Variants in MYH8 observed in about 807,000 individuals in gnomAD.
The protein encoded by MYH8 is myosin heavy chain 8, also known as myosin-8.
MYH8 carries 168 observed loss-of-function variants against 233.2 expected under a neutral mutation model. That is an observed-to-expected ratio of 0.72 (90% CI 0.64 to 0.82). MYH8 has a LOEUF of 0.82. MYH8 is among the 40% of genes least tolerant of loss of function. MYH8 has a pLI of 0.00. For synonymous variants in MYH8, 785 were observed against 850.6 expected (o/e 0.92, Z 1.34); for missense variants, 1,995 against 2,327.8 (o/e 0.86, Z 2.94).
chr17:10,402,944 T>G (rs2072156930), intron 22 of MYH8, among the ~76,000 whole-genome samples: 1 of 152,202 alleles, frequency 6.6e-6, no homozygotes, highest in Non-Finnish European at 1.5e-5. Context: ...GAGGTTCTCA[T>G]GCCCAGGACA....
chr17:10,409,434 G>C lies in MYH8; in HGVS notation c.1742C>G (p.Ser581Cys), dbSNP rs2072225144. The change falls in exon 16 of 40, where the codon TCT becomes TGT. Residue 581 changes from serine (S) to cysteine (C), a missense_variant. Around this residue, in one of 3 missense-constraint regions of MYH8, gnomAD observed 1,498 missense variants for 1,680.9 expected, o/e 0.89. Transcript: ENST00000403437. Reference protein sequence around the residue: ...VVKGKAEAHFSLIHYAGTVDY... With the variant: ...VVKGKAEAHFCLIHYAGTVDY... ...CACAGTGCCAGCATAGTGAATCAGA[G>C]AGAAGTGGGCCTCAGCCTTGCCTTT... is the stretch of plus-strand genomic sequence containing the variant. 5 of 1,614,106 alleles carry C rather than the reference G, an allele frequency of 3.1e-6. No individual in the cohort carries two copies. Among genetic ancestry groups the C allele is most frequent in the African/African-American group, 1.3e-5 (1 of 74,940 alleles).
intron 24 of MYH8, 28 bp from the exon 25 acceptor site, chr17:10,401,219 T>A (rs750957215): frequency 2.5e-6 from 4 of 1,613,290 alleles, no homozygotes; most frequent in Non-Finnish European, 3.4e-6. Flanking sequence ...ATGGTAAAAA[T>A]TGAAAGTATA....
intron 17 of MYH8, 66 bp from the exon 18 acceptor site, chr17:10,407,045 T>A: frequency 8.0e-7 from 1 of 1,246,158 alleles, no homozygotes; most frequent in Non-Finnish European, 1.2e-6. Context: ...TGTAATTATA[T>A]GGAATGAACC....
rs773912355 is a variant in MYH8, at chr17:10,412,650, A to G, written c.1226T>C (p.Val409Ala). The G allele has an allele frequency of 1.9e-6, 3 of 1,614,206 alleles. No homozygotes were observed. The highest frequency in any genetic ancestry group is 1.7e-5 in the Admixed American group (1 of 60,026). ...GCCTTTGGTGACATACTCATTGCCA[A>G]CCTTGACCCTAGGGTAGCAGAGGGC... is the stretch of plus-strand genomic sequence containing the variant. ...LKALCYPRVK[V>A]GNEYVTKGQT... The change falls in exon 13 of 40, where the codon GTT becomes GCT. Residue 409 changes from valine to alanine, a missense_variant. Physicochemically the swap from Val to Ala is moderately conservative, Grantham distance 64. Coordinates refer to ENST00000403437, the MANE Select transcript of MYH8 (RefSeq NM_002472.3).
chr17:10,391,320 T>G (rs1290730718), intron 39 of MYH8, among the ~76,000 whole-genome samples: 1 of 152,248 alleles, frequency 6.6e-6, no homozygotes, highest in Non-Finnish European at 1.5e-5. Context: ...GTATATCATT[T>G]GTAGCTATCA....
chr17:10,414,093 A>G (rs1287845009), intron 11 of MYH8, 53 bp from the exon 12 acceptor site: 1 of 1,612,594 alleles, frequency 6.2e-7, no homozygotes, highest in Non-Finnish European at 8.5e-7. Flanking sequence ...CTAACTTATA[A>G]GAGAATTTAT....
At chr17:10,394,571 G>A (rs2072063025) in intron 34 of MYH8, 119 bp from the exon 35 acceptor site, 2 of 1,210,852 alleles carry the variant, frequency 1.7e-6, no homozygotes, top group Non-Finnish European at 2.4e-6. Context: ...CCTGTCATTT[G>A]AATGCATCTG....
At chr17:10,414,878 A>G (rs2072275480) in intron 9 of MYH8, among the ~76,000 whole-genome samples, 1 of 152,208 alleles carries the variant, frequency 6.6e-6, no homozygotes, top group Non-Finnish European at 1.5e-5. Flanking sequence ...CTGGAAAAAA[A>G]TCATAGTTGC....
chr17:10,400,423 G>A lies in MYH8; in HGVS notation c.3702C>T (p.Leu1234=), dbSNP rs1224161768. 6.2e-7 allele frequency: 1 copy of A among 1,613,746 alleles called. No homozygotes were observed. The highest frequency in any genetic ancestry group is 1.3e-5 in the African/African-American group (1 of 74,884). The change falls in exon 27 of 40, where the codon CTC becomes CTT. Residue 1234 remains leucine (L), a synonymous_variant. Transcript: ENST00000403437. The surrounding 1 kb of genome is among the most constrained non-coding windows in gnomAD (Gnocchi z 4.0). ...KSELKMETDD[L]SSNAEAISKA... ...TGGAAATGGCCTCTGCGTTACTGCT[G>A]AGGTCATCAGTCTCCATCTTCAGCT... is the stretch of plus-strand genomic sequence containing the variant.
Position 10,404,540 on chromosome 17 carries a change from G to A in MYH8, c.2478C>T (p.Asn826=), listed in dbSNP as rs770622195. ...CIQYNVRAFM[N]VKHWPWMKLF... ...GTTTCATCCAGGGCCAGTGCTTGACGTTCATGAAGGCACGGACATTATACT... is the reference window on the plus strand; with the variant it reads ...GTTTCATCCAGGGCCAGTGCTTGACATTCATGAAGGCACGGACATTATACT... The change falls in exon 22 of 40, where the codon AAC becomes AAT. Residue 826 remains asparagine, a synonymous_variant. Transcript: ENST00000403437. 24 of 1,613,930 alleles carry A rather than the reference G, an allele frequency of 1.5e-5. No individual in the cohort carries two copies. The highest frequency in any genetic ancestry group is 1.7e-4 in the Middle Eastern group (1 of 6,060).
chr17:10,404,179 T>A (rs2072166713), intron 22 of MYH8, 151 bp downstream of exon 22: 1 of 934,760 alleles, frequency 1.1e-6, no homozygotes, highest in African/African-American at 1.7e-5. Flanking sequence ...TTGTGCCTTT[T>A]CTTCCCCATA....
In MYH8 at chr17:10,413,991, T is replaced by C. The variant is rs771234906; in HGVS notation, c.1058A>G (p.Tyr353Cys). 24 of 1,614,048 alleles carry C rather than the reference T, an allele frequency of 1.5e-5. No individual in the cohort carries two copies. Among genetic ancestry groups the C allele is most frequent in the Non-Finnish European group, 1.8e-5 (21 of 1,180,034 alleles). Reference sequence around the variant, plus strand: ...ATGCATCACAGCCCCTGTGAGTTTATAGATGGACACTTTCTCTTCAGGAGT... The same window carrying C: ...ATGCATCACAGCCCCTGTGAGTTTACAGATGGACACTTTCTCTTCAGGAGT... ...GFTPEEKVSI[Y>C]KLTGAVMHYG... The change falls in exon 12 of 40, where the codon TAT (tyrosine) becomes TGT (cysteine). Residue 353 changes from tyrosine to cysteine, a missense_variant. Physicochemically the swap from Tyr to Cys is radical, Grantham distance 194 (BLOSUM62 -2). Transcript: ENST00000403437.
At position 10,420,109 on chromosome 17, in the gene MYH8, A is replaced by T; in HGVS notation, c.119T>A (p.Val40Asp). 1 of 1,614,222 alleles carries T rather than the reference A, an allele frequency of 6.2e-7. No homozygotes were observed. The highest frequency in any genetic ancestry group is 8.5e-7 in the Non-Finnish European group (1 of 1,180,042). ...QNKPFDAKTSVFVAEPKESYV... is the reference protein window; with the variant it reads ...QNKPFDAKTSDFVAEPKESYV... ...GGATTCCTTGGGCTCCGCCACAAAGACAGATGTTTTAGCATCAAACGGCTT... is the reference window on the plus strand; with the variant it reads ...GGATTCCTTGGGCTCCGCCACAAAGTCAGATGTTTTAGCATCAAACGGCTT... Residue 40 changes from valine to aspartate, a missense_variant, in exon 3 of 40, where the codon GTC becomes GAC. Around this residue, in one of 3 missense-constraint regions of MYH8, gnomAD observed 479 missense variants for 600.9 expected, o/e 0.80. Coordinates refer to ENST00000403437, the MANE Select transcript of MYH8 (RefSeq NM_002472.3).
In MYH8 at chr17:10,415,006, C is replaced by T; in HGVS notation, c.805+110G>A. 2.0e-6 allele frequency: 2 copies of T among 988,740 alleles called. No individual in the cohort carries two copies. Among genetic ancestry groups the T allele is most frequent in the South Asian group, 2.6e-5 (2 of 77,660 alleles). The allele number at this position is 988,740 out of a possible 1,614,324, so 61.2% of individuals were successfully genotyped here. The stretch of plus-strand genomic sequence containing the variant: ...AGCATTAGCTTACAGGCAGTACTGG[C>T]AGCAGACTACCCTTTTAACAGGCTT... On this transcript the variant is annotated intron_variant, in intron 9 of 39. Coordinates refer to ENST00000403437, the MANE Select transcript of MYH8 (RefSeq NM_002472.3). The surrounding 1 kb of genome is among the most constrained non-coding windows in gnomAD (Gnocchi z 4.1).
At position 10,409,109 on chromosome 17, in the gene MYH8, A is replaced by T. The variant is rs747082628; in HGVS notation, c.1953T>A (p.Ser651=). 1 of 1,614,106 alleles carries T rather than the reference A, an allele frequency of 6.2e-7. No homozygotes were observed. Among genetic ancestry groups the T allele is most frequent in the Admixed American group, 1.7e-5 (1 of 60,024 alleles). The change falls in exon 17 of 40, where the codon TCT becomes TCA. Residue 651 remains serine (S), a synonymous_variant. Transcript: ENST00000403437. Reference sequence around the variant, plus strand: ...ATTTGTACTTTACCCTGAAAAGGGCAGACACAGTCTGGAAAGAAGAGCCCT... The same window carrying T: ...ATTTGTACTTTACCCTGAAAAGGGCTGACACAGTCTGGAAAGAAGAGCCCT... ...KKKGSSFQTV[S]ALFRENLNKL... is the part of the protein sequence containing the mutation.
Position 10,417,086 on chromosome 17 carries a change from A to G in MYH8, c.512-1378T>C, listed in dbSNP as rs1402596863. On this transcript the variant is annotated intron_variant, in intron 5 of 39. Transcript: ENST00000403437. The surrounding 1 kb of genome is among the most constrained non-coding windows in gnomAD (Gnocchi z 4.1). ...GACTTCTGGCAATACTAAATAAGGA[A>G]GGGGTCTGGAATTGTGAATATTTGT... 6.6e-6 allele frequency among the ~76,000 whole-genome samples: 1 copy of G among 152,192 alleles called. No homozygotes were observed. The highest frequency in any genetic ancestry group is 1.5e-5 in the Non-Finnish European group (1 of 68,038).
At chr17:10,412,255 G>T in intron 14 of MYH8, 115 bp downstream of exon 14, 1 of 1,596,092 alleles carries the variant, frequency 6.3e-7, no homozygotes, top group Non-Finnish European at 8.6e-7. Context: ...CTTTGTTCTA[G>T]GTGCAGTGTT....
rs143876651 is a variant in MYH8, at chr17:10,392,646, C to G, written c.5464G>C (p.Val1822Leu). Residue 1822 changes from valine (V) to leucine (L), a missense_variant and splice_region_variant, in exon 38 of 40, where the codon GTA becomes CTA. Around this residue, in one of 3 missense-constraint regions of MYH8, gnomAD observed 1,498 missense variants for 1,680.9 expected, o/e 0.89. Transcript: ENST00000403437. ...KKQIQKLEAR[V>L]RELEGEVENE... ...TCAACCTCTCCTTCAAGCTCACGTA[C>G]CTGCAGCCAAGAAAAATACTTACGC... 2 of 1,614,140 alleles carry G rather than the reference C, an allele frequency of 1.2e-6. No homozygotes were observed. Among genetic ancestry groups the G allele is most frequent in the Non-Finnish European group, 1.7e-6 (2 of 1,180,018 alleles).
chr17:10,399,552 T>C lies in MYH8; in HGVS notation c.3853A>G (p.Thr1285Ala). ...GAGAAGATGTCTTTACCCGCTTCTGTCTGCAGGCGCGCTCTCTGTGCTGTG... is the reference window on the plus strand; with the variant it reads ...GAGAAGATGTCTTTACCCGCTTCTGCCTGCAGGCGCGCTCTCTGTGCTGTG... Reference protein sequence around the residue: ...DLTAQRARLQTEAGEYSRQLD... With the variant: ...DLTAQRARLQAEAGEYSRQLD... Residue 1285 changes from threonine (T) to alanine (A), a missense_variant, in exon 28 of 40, where the codon ACA becomes GCA. Transcript: ENST00000403437. The C allele has an allele frequency of 6.2e-7, 1 of 1,613,568 alleles. No homozygotes were observed.
Sources: allele counts gnomAD v4.1 joint callset (sites outside exome capture counted in the v4.1 genomes callset), GRCh38; gene constraint gnomAD v4.1.1; regional missense constraint gnomAD v4.1.1; non-coding constraint Gnocchi (gnomAD v3.1); transcripts MANE v1.5; gene names NCBI Gene and HGNC (gene_info 2026-07-23, HGNC 2026-07-21).